COMMD1: variants seen among roughly 807,000 people sequenced by gnomAD.
COMMD1 encodes the protein COMM domain-containing protein 1.
A neutral mutation model predicts 17.2 loss-of-function variants in COMMD1; 10 were observed. The ratio of observed to expected loss-of-function variants is 0.58; its 90% confidence interval spans 0.36 to 0.99. The LOEUF is 0.99. Among genes scored for constraint, COMMD1 ranks in the 50% least tolerant of loss-of-function variants. COMMD1 has a pLI of 0.01. For synonymous variants in COMMD1, 97 were observed against 91.6 expected, an observed-to-expected ratio of 1.06 and a Z score of -0.34; for missense variants, 270 against 231.8, an observed-to-expected ratio of 1.17 and a Z score of -1.07.
At chr2:62,045,562 T>C (rs566793766) in intron 2 of COMMD1, among the ~76,000 whole-genome samples, 1 of 150,506 alleles carries the variant, frequency 6.6e-6, no homozygotes, top group Non-Finnish European at 1.5e-5. Flanking sequence ...CCTTCTTCTT[T>C]TTTTTTTTTT....
In COMMD1 at chr2:61,950,816, G is replaced by A. The variant is rs150554244; in HGVS notation, c.180+44958G>A. ...GGATTCATGTCCAGGTCAGGAAGGA[G>A]TGGGAGGGTGCAAGACTTCATCACA... is the stretch of plus-strand genomic sequence containing the variant. On this transcript the variant is annotated intron_variant, in intron 1 of 2. Transcript: ENST00000311832. Among the ~76,000 whole-genome samples the A allele has an allele frequency of 2.0e-5, 3 of 152,344 alleles. No homozygotes were observed. The East Asian group carries it at 5.8e-4, about 29-fold the overall frequency.
intron 1 of COMMD1, among the ~76,000 whole-genome samples, chr2:61,973,026 G>A (rs1671695667): frequency 6.6e-6 from 1 of 151,948 alleles, no homozygotes; most frequent in Non-Finnish European, 1.5e-5. Context: ...TTATATATTT[G>A]TCTGCAATTT....
intron 2 of COMMD1, among the ~76,000 whole-genome samples, chr2:62,135,371 G>T (rs1416891828): frequency 4.8e-5 from 7 of 146,638 alleles, no homozygotes; most frequent in Admixed American, 4.1e-4. Context: ...TTTTTTTTGA[G>T]ATGGACTCTC....
chr2:61,896,164 A>C (rs1451525755), intron 1 of COMMD1, among the ~76,000 whole-genome samples: 1 of 152,236 alleles, frequency 6.6e-6, no homozygotes. Flanking sequence ...GGAAACTGCT[A>C]TGGTTTGAAT....
chr2:61,934,682 G>T (rs1234357080), intron 1 of COMMD1, among the ~76,000 whole-genome samples: 1 of 152,238 alleles, frequency 6.6e-6, no homozygotes, highest in Non-Finnish European at 1.5e-5. Flanking sequence ...ATGTGAAATT[G>T]AGAGGCAAAC....
chr2:61,977,011 A>T (rs1228704031), intron 1 of COMMD1, among the ~76,000 whole-genome samples: 3 of 151,250 alleles, frequency 2.0e-5, no homozygotes, highest in African/African-American at 7.3e-5. Flanking sequence ...ATTTGTAGAG[A>T]TGGGGTTTCA....
chr2:62,107,045 C>A (rs1672341375), intron 2 of COMMD1, among the ~76,000 whole-genome samples: 2 of 152,168 alleles, frequency 1.3e-5, no homozygotes, highest in Admixed American at 1.3e-4. Context: ...ATCTTTCTCA[C>A]CACTTCAAGC....
At position 62,000,688 on chromosome 2, in the gene COMMD1, G is replaced by A. The variant is rs1668905910; in HGVS notation, c.181-13G>A. 6.2e-7 allele frequency: 1 copy of A among 1,613,700 alleles called. No individual in the cohort carries two copies. Among genetic ancestry groups the A allele is most frequent in the Non-Finnish European group, 8.5e-7 (1 of 1,179,902 alleles). On this transcript the variant is annotated splice_polypyrimidine_tract_variant and intron_variant, in intron 1 of 2. Transcript: ENST00000311832. Reference sequence around the variant, plus strand: ...TTAATTCAAATTTTTTGCTTTTTCTGTCATCTTTATAGTCTATTGCGTCTG... The same window carrying A: ...TTAATTCAAATTTTTTGCTTTTTCTATCATCTTTATAGTCTATTGCGTCTG...
intron 2 of COMMD1, among the ~76,000 whole-genome samples, chr2:62,008,049 C>G (rs957082330): frequency 4.6e-5 from 7 of 152,064 alleles, no homozygotes; most frequent in African/African-American, 1.4e-4. Context: ...AGATGTGATA[C>G]TGCATGTCTG....
chr2:62,014,711 A>G (rs1273914950), intron 2 of COMMD1, among the ~76,000 whole-genome samples: 3 of 151,102 alleles, frequency 2.0e-5, no homozygotes, highest in Non-Finnish European at 4.4e-5. Flanking sequence ...ACAGGTGTGC[A>G]CCACCACGCC....
At chr2:62,034,094 A>AG (rs1462787539) in intron 2 of COMMD1, among the ~76,000 whole-genome samples, 1 of 151,314 alleles carries the variant, frequency 6.6e-6, no homozygotes, top group Non-Finnish European at 1.5e-5. Context: ...GTCTCAAAAA[A>AG]AAAAAAAAAA....
intron 2 of COMMD1, among the ~76,000 whole-genome samples, chr2:62,115,263 A>C (rs942580624): frequency 1.3e-5 from 2 of 152,242 alleles, no homozygotes; most frequent in Non-Finnish European, 1.5e-5. Context: ...CATGTTCACT[A>C]ATCACTGGGG....
intron 2 of COMMD1, among the ~76,000 whole-genome samples, chr2:62,064,787 T>G (rs1670980663): frequency 6.6e-6 from 1 of 152,224 alleles, no homozygotes; most frequent in Non-Finnish European, 1.5e-5. Flanking sequence ...CCTTTCTAAA[T>G]TTTTAAAAGT....
chr2:62,103,900 G>A (rs929048314), intron 2 of COMMD1, among the ~76,000 whole-genome samples: 2 of 151,968 alleles, frequency 1.3e-5, no homozygotes, highest in Non-Finnish European at 2.9e-5. Flanking sequence ...GAGTGCAGTG[G>A]CATGATCTCG....
At chr2:61,969,419 T>C (rs1016389829) in intron 1 of COMMD1, among the ~76,000 whole-genome samples, 2 of 152,226 alleles carry the variant, frequency 1.3e-5, no homozygotes, top group Non-Finnish European at 2.9e-5. Context: ...TTGCTTTTAC[T>C]TTCTCAAGGT....
At chr2:62,075,337 G>A (rs1671311640) in intron 2 of COMMD1, among the ~76,000 whole-genome samples, 1 of 152,068 alleles carries the variant, frequency 6.6e-6, no homozygotes, top group South Asian at 2.1e-4. Flanking sequence ...GGCTAAGGTG[G>A]AATAGTGGCT....
intron 2 of COMMD1, among the ~76,000 whole-genome samples, chr2:62,053,402 A>G (rs953688906): frequency 1.3e-5 from 2 of 152,156 alleles, no homozygotes; most frequent in African/African-American, 2.4e-5. Flanking sequence ...AAATAGGGCA[A>G]TACTTCCACC....
chr2:62,126,314 A>C (rs1468776411), intron 2 of COMMD1, among the ~76,000 whole-genome samples: 1 of 152,122 alleles, frequency 6.6e-6, no homozygotes, highest in African/African-American at 2.4e-5. Context: ...GTCAAATGGT[A>C]TTTCTGGTTC....
intron 2 of COMMD1, among the ~76,000 whole-genome samples, chr2:62,064,252 C>T (rs2103946877): frequency 6.6e-6 from 1 of 152,196 alleles, no homozygotes; most frequent in South Asian, 2.1e-4. Flanking sequence ...CAGCTCACTG[C>T]AACCTCCACC....
Sources: gnomAD v4.1 joint callset for allele counts (sites outside exome capture counted in the v4.1 genomes callset) on GRCh38, gnomAD v4.1.1 for gene constraint, MANE v1.5 for transcripts, NCBI Gene and HGNC (gene_info 2026-07-23, HGNC 2026-07-21) for gene names.